Variants in DCAF6 observed in about 807,000 individuals in gnomAD.
DCAF6 encodes DDB1 and CUL4 associated factor 6.
A neutral mutation model predicts 125.1 loss-of-function variants in DCAF6; 54 were observed. That is an observed-to-expected ratio of 0.43 (90% CI 0.35 to 0.54). DCAF6 has a LOEUF of 0.54. DCAF6 is among the 20% of genes least tolerant of loss of function. The pLI is 0.01. For synonymous variants in DCAF6, 371 were observed against 390.4 expected (o/e 0.95, Z 0.58); for missense variants, 934 against 1,161.7 (o/e 0.80, Z 2.85).
At chr1:167,948,639 T>C (rs1483362267) in intron 1 of DCAF6, among the ~76,000 whole-genome samples, 4 of 152,174 alleles carry the variant, frequency 2.6e-5, no homozygotes, top group Non-Finnish European at 5.9e-5. Flanking sequence ...TTGAAATACA[T>C]TCACCATGTG....
chr1:167,880,672 GA>G, the DCAF6 span: 2 of 1,292,162 alleles, frequency 1.5e-6, no homozygotes, highest in Non-Finnish European at 2.3e-6. Flanking sequence ...GGACTGGCCA[GA>G]AGGCTCAACA....
chr1:168,060,935 T>C (rs1395590029), intron 17 of DCAF6, among the ~76,000 whole-genome samples: 1 of 152,234 alleles, frequency 6.6e-6, no homozygotes, highest in Non-Finnish European at 1.5e-5. Flanking sequence ...TTTATAGCTC[T>C]TATGTCCTTT....
At chr1:167,992,115 A>G (rs1680915987) in intron 6 of DCAF6, among the ~76,000 whole-genome samples, 1 of 152,166 alleles carries the variant, frequency 6.6e-6, no homozygotes, top group Non-Finnish European at 1.5e-5. Context: ...TGCTGTTAAT[A>G]ATGCTGAGTA....
chr1:167,936,779 A>C lies in DCAF6; in HGVS notation c.-133A>C, dbSNP rs1405479866. 3 of 771,632 alleles carry C rather than the reference A, an allele frequency of 3.9e-6. No individual in the cohort carries two copies. Among genetic ancestry groups the C allele is most frequent in the Non-Finnish European group, 6.3e-6 (3 of 475,512 alleles). The allele number at this position is 771,632 out of a possible 1,614,324, so 47.8% of individuals were successfully genotyped here. On this transcript the variant is annotated 5_prime_UTR_variant, in exon 1 of 22. Transcript: ENST00000367840. ...CCCAGGCGCCGCTGCTGCCACCGCC[A>C]TCTAACGCTGCGCCCTGGAGGCCCG... is the stretch of plus-strand genomic sequence containing the variant.
intron 12 of DCAF6, 145 bp from the exon 13 acceptor site, chr1:168,038,226 C>T (rs1055214887): frequency 6.5e-6 from 4 of 610,716 alleles, no homozygotes; most frequent in Non-Finnish European, 1.1e-5. Flanking sequence ...CAACACATGC[C>T]TTCAAACTTT....
intron 11 of DCAF6, among the ~76,000 whole-genome samples, chr1:168,020,554 T>G (rs1685548519): frequency 6.6e-6 from 1 of 152,086 alleles, no homozygotes; most frequent in Non-Finnish European, 1.5e-5. Flanking sequence ...TCTAAACACT[T>G]CAAATAAGCT....
At chr1:168,020,857 C>CT (rs1418043271) in intron 11 of DCAF6, among the ~76,000 whole-genome samples, 1 of 151,822 alleles carries the variant, frequency 6.6e-6, no homozygotes, top group Non-Finnish European at 1.5e-5. Flanking sequence ...GAAAATAATC[C>CT]TTCCCAAAGG....
rs1381684290 is a variant in DCAF6, at chr1:168,002,377, T to G, written c.904-105T>G. 4.2e-6 allele frequency: 4 copies of G among 954,168 alleles called. No homozygotes were observed. The African/African-American group carries it at 6.5e-5, about 16-fold the overall frequency. The allele number at this position is 954,168 out of a possible 1,614,324, so 59.1% of individuals were successfully genotyped here. A position where few individuals can be genotyped will look rare whatever the true frequency, so the allele number is the denominator to read the frequency against. On this transcript the variant is annotated intron_variant, in intron 7 of 21. Coordinates refer to ENST00000367840, the MANE Select transcript of DCAF6 (RefSeq NM_001198956.2). ...TTTCATGTAGATCTAATTTGCATACTCAAGAAGTAGGGAGATGGAAATAAA... is the reference window on the plus strand; with the variant it reads ...TTTCATGTAGATCTAATTTGCATACGCAAGAAGTAGGGAGATGGAAATAAA...
upstream of DCAF6, chr1:167,935,691 GAGA>G (rs766738676): frequency 1.2e-4 from 181 of 1,509,562 alleles, no homozygotes; most frequent in Admixed American, 7.1e-4. Flanking sequence ...TAGAGGAAGC[GAGA>G]AGGAAGGTCT....
At position 167,991,185 on chromosome 1, in the gene DCAF6, ATTATG is replaced by A. The variant is rs754589200; in HGVS notation, c.553-11_553-7del. 18 of 1,602,284 alleles carry A rather than the reference ATTATG, an allele frequency of 1.1e-5. No individual in the cohort carries two copies. Among genetic ancestry groups the A allele is most frequent in the African/African-American group, 1.3e-5 (1 of 74,554 alleles). On this transcript the variant is annotated splice_polypyrimidine_tract_variant and intron_variant, in intron 5 of 21. Coordinates refer to ENST00000367840, the MANE Select transcript of DCAF6 (RefSeq NM_001198956.2). ...TGCTGTATAACTATATGTAATTGGT[ATTATG>A]TTATGTTTTGTAGGATATTTTAATT...
chr1:168,050,958 T>TC, intron 17 of DCAF6, 25 bp downstream of exon 17: 1 of 1,011,596 alleles, frequency 9.9e-7, no homozygotes, highest in Non-Finnish European at 1.3e-6. Flanking sequence ...TCCTTCATAA[T>TC]TTTTTTTTTA....
intron 5 of DCAF6, among the ~76,000 whole-genome samples, chr1:167,988,090 C>T (rs907962612): frequency 2.0e-5 from 3 of 151,972 alleles, no homozygotes; most frequent in Admixed American, 6.6e-5. Flanking sequence ...CATGTTTGTT[C>T]AAATTTAGCC....
At chr1:167,875,286 T>C in the DCAF6 span, 3 of 1,217,108 alleles carry the variant, frequency 2.5e-6, no homozygotes, top group Admixed American at 1.8e-5. Context: ...TCCTTCTCAA[T>C]TGCTAACAAG....
the DCAF6 span, chr1:167,918,478 G>T: frequency 1.7e-6 from 1 of 577,436 alleles, no homozygotes; most frequent in Non-Finnish European, 2.9e-6. Context: ...CTATACAGTT[G>T]TAAACAGAAT....
chr1:168,062,465 G>C (rs1691719979), intron 17 of DCAF6, among the ~76,000 whole-genome samples: 1 of 151,802 alleles, frequency 6.6e-6, no homozygotes, highest in South Asian at 2.1e-4. Flanking sequence ...TCTCAGTAAT[G>C]CCTGTTTTCC....
intron 19 of DCAF6, 119 bp from the exon 20 acceptor site, chr1:168,066,258 T>A: frequency 1.9e-6 from 1 of 519,106 alleles, no homozygotes; most frequent in South Asian, 4.4e-5. Context: ...CAGTTAAATA[T>A]ATAGTGTACA....
At chr1:168,009,935 C>A (rs1684055044) in intron 10 of DCAF6, among the ~76,000 whole-genome samples, 1 of 150,216 alleles carries the variant, frequency 6.7e-6, no homozygotes, top group Admixed American at 6.6e-5. Context: ...CAATATTCAC[C>A]CTCTAAAGAT....
the DCAF6 span, chr1:167,924,553 A>G: frequency 1.3e-6 from 2 of 1,511,502 alleles, no homozygotes; most frequent in South Asian, 2.6e-5. Context: ...AAAAAAAAGA[A>G]AAGAAAAATT....
chr1:167,918,676 C>T, the DCAF6 span, among the ~76,000 whole-genome samples: 1 of 146,676 alleles, frequency 6.8e-6, no homozygotes, highest in Non-Finnish European at 1.5e-5. Context: ...TCGCTGCAAG[C>T]TCTGCCTCCC....
Sources: gnomAD v4.1 joint callset for allele counts (sites outside exome capture counted in the v4.1 genomes callset) on GRCh38, gnomAD v4.1.1 for gene constraint, MANE v1.5 for transcripts, NCBI Gene and HGNC (gene_info 2026-07-23, HGNC 2026-07-21) for gene names.